The following CNBD2 variants were observed in gnomAD, a reference collection of about 807,000 sequenced individuals.
CNBD2 encodes cyclic nucleotide binding domain containing 2.
Under a neutral mutation model 63.7 loss-of-function variants are expected in CNBD2, and 64 were observed. The observed-to-expected ratio is 1.00, with a 90% CI of 0.82 to 1.24. The LOEUF is 1.24. Among genes scored for constraint, CNBD2 ranks in the 50% most tolerant of loss-of-function variants. CNBD2 has a pLI of 0.00. For missense variants in CNBD2, 691 were observed against 713.5 expected, an observed-to-expected ratio of 0.97 and a Z score of 0.36; for synonymous variants, 229 against 255.4, an observed-to-expected ratio of 0.90 and a Z score of 0.99.
intron 2 of CNBD2, among the ~76,000 whole-genome samples, chr20:35,963,276 G>A (rs903201321): frequency 2.0e-5 from 3 of 151,884 alleles, no homozygotes; most frequent in Admixed American, 6.6e-5. Flanking sequence ...GGAAGGTAGA[G>A]GCTGCAGTGA....
upstream of CNBD2, among the ~76,000 whole-genome samples, chr20:35,966,578 T>TCC (rs559646733): frequency 1.8e-3 from 276 of 152,354 alleles, 1 homozygote; most frequent in African/African-American, 6.5e-3. Flanking sequence ...ACTCCAGAGA[T>TCC]TTGAGTTCTA....
chr20:35,987,511 C>T lies in CNBD2; in HGVS notation c.833C>T (p.Pro278Leu). ...ATCTCAAAAGATTTTGGAGAGTCACCCTTCATCATGTTTATCAGCAAGGTG... is the reference window on the plus strand; with the variant it reads ...ATCTCAAAAGATTTTGGAGAGTCACTCTTCATCATGTTTATCAGCAAGGTG... The part of the protein sequence containing the change: ...QLISKDFGES[P>L]FIMFISKGSC... Residue 278 changes from proline to leucine, a missense_variant, in exon 7 of 12, where the codon CCC becomes CTC. Transcript: ENST00000373973. 2 of 1,614,030 alleles carry T rather than the reference C, an allele frequency of 1.2e-6. No homozygotes were observed. Among genetic ancestry groups the T allele is most frequent in the Non-Finnish European group, 1.7e-6 (2 of 1,179,992 alleles).
At chr20:35,956,010 C>G (rs113884946), downstream of CNBD2, among the ~76,000 whole-genome samples, 1,712 of 152,290 alleles carry the variant, frequency 0.011, 23 homozygotes, top group African/African-American at 0.038. Context: ...CGTGAGCCAC[C>G]GTGCCGGGCC....
At position 35,976,021 on chromosome 20, in the gene CNBD2, T is replaced by G; in HGVS notation, c.243+19T>G. The stretch of plus-strand genomic sequence containing the variant: ...AGAGGAGGTATGCATAGCTCGAAAC[T>G]TGCTGTGGGGGAATTTTCTTTCTGC... On this transcript the variant is annotated intron_variant, in intron 3 of 11. Coordinates refer to ENST00000373973, the MANE Select transcript of CNBD2 (RefSeq NM_001365709.1). 8 of 1,597,146 alleles carry G rather than the reference T, an allele frequency of 5.0e-6. No individual in the cohort carries two copies. Among genetic ancestry groups the G allele is most frequent in the Non-Finnish European group, 6.9e-6 (8 of 1,166,350 alleles).
chr20:35,976,039 CT>C, intron 3 of CNBD2, 37 bp downstream of exon 3: 1 of 1,566,488 alleles, frequency 6.4e-7, no homozygotes, highest in Admixed American at 1.7e-5. Context: ...GGGGAATTTT[CT>C]TTCTGCACCC....
chr20:36,001,680 C>G (rs1192656446), intron 8 of CNBD2, among the ~76,000 whole-genome samples: 1 of 139,784 alleles, frequency 7.2e-6, no homozygotes, highest in African/African-American at 2.7e-5. Flanking sequence ...ACTTCTCAGA[C>G]GGGGCGGCCG....
intron 11 of CNBD2, among the ~76,000 whole-genome samples, chr20:36,027,153 A>G (rs895087929): frequency 6.6e-6 from 1 of 152,210 alleles, no homozygotes; most frequent in African/African-American, 2.4e-5. Flanking sequence ...ATATGCCTTT[A>G]TTGTCATACT....
chr20:35,976,937 C>T (rs547833844), intron 3 of CNBD2, among the ~76,000 whole-genome samples: 1 of 152,228 alleles, frequency 6.6e-6, no homozygotes, highest in South Asian at 2.1e-4. Flanking sequence ...TTCTTGGAGC[C>T]CAGGTATGGC....
chr20:35,988,470 C>G (rs2056699691), intron 7 of CNBD2, among the ~76,000 whole-genome samples: 2 of 152,144 alleles, frequency 1.3e-5, no homozygotes, highest in South Asian at 4.1e-4. Flanking sequence ...CACACCCAAC[C>G]TTAAATTATC....
At chr20:35,964,656 A>G (rs911752824), upstream of CNBD2, among the ~76,000 whole-genome samples, 4 of 151,618 alleles carry the variant, frequency 2.6e-5, no homozygotes, top group Non-Finnish European at 5.9e-5. Flanking sequence ...CAGCCTCCCA[A>G]AGTGCTGGGA....
chr20:36,011,932 C>A (rs775646396), intron 10 of CNBD2, among the ~76,000 whole-genome samples: 15 of 151,860 alleles, frequency 9.9e-5, no homozygotes. Flanking sequence ...CTGAAGCGGG[C>A]GAATCACTTG....
intron 10 of CNBD2, among the ~76,000 whole-genome samples, chr20:36,014,437 C>A (rs997767624): frequency 6.8e-6 from 1 of 146,078 alleles, no homozygotes; most frequent in African/African-American, 2.5e-5. Flanking sequence ...TCAAGTGATT[C>A]TCCTGCCTCT....
intron 8 of CNBD2, among the ~76,000 whole-genome samples, chr20:36,005,767 G>A (rs1159891017): frequency 3.3e-5 from 5 of 151,784 alleles, no homozygotes; most frequent in South Asian, 2.1e-4. Flanking sequence ...TGGCTAACAC[G>A]GTGAAACGCT....
At chr20:35,962,085 CCTT>C (rs1409721006) in intron 2 of CNBD2, among the ~76,000 whole-genome samples, 5 of 152,128 alleles carry the variant, frequency 3.3e-5, no homozygotes, top group African/African-American at 1.2e-4. Flanking sequence ...TTGGCATTAA[CCTT>C]CTGGATCTTC....
rs11481606 is a variant in CNBD2 at position 35,975,467 on chromosome 20, A to ATT, written c.190-477_190-476dup. Among the ~76,000 whole-genome samples, 535 of 104,150 alleles carry ATT rather than the reference A, an allele frequency of 5.1e-3. 8 individuals are homozygous for ATT. Among genetic ancestry groups the ATT allele is most frequent in the African/African-American group, 0.02 (499 of 25,372 alleles). The allele number at this position is 104,150 out of a possible 152,430, so 68.3% of individuals were successfully genotyped here. The stretch of plus-strand genomic sequence containing the variant: ...AGGCGCCCGCTACCACGCCCGGCTA[A>ATT]TTTTTTGTATTTTTAGTAGAGACGG... On this transcript the variant is annotated intron_variant, in intron 2 of 11. Transcript: ENST00000373973.
chr20:35,972,504 A>G (rs1251680033), intron 1 of CNBD2, 125 bp from the exon 2 acceptor site: 1 of 870,284 alleles, frequency 1.1e-6, no homozygotes, highest in African/African-American at 1.7e-5. Flanking sequence ...CCATCACTCC[A>G]GCACACTACA....
intron 2 of CNBD2, among the ~76,000 whole-genome samples, chr20:35,961,119 C>T (rs956070155): frequency 2.6e-5 from 4 of 152,030 alleles, no homozygotes; most frequent in Non-Finnish European, 5.9e-5. Context: ...TTAGTAGAGA[C>T]AGATTTTCAC....
intron 3 of CNBD2, 134 bp from the exon 4 acceptor site, chr20:35,980,325 A>T: frequency 1.3e-6 from 1 of 742,158 alleles, no homozygotes; most frequent in Non-Finnish European, 2.2e-6. Flanking sequence ...CCTGACACAC[A>T]GTAAGCACTC....
chr20:35,968,750 C>A lies in CNBD2; in HGVS notation c.-13C>A. Reference sequence around the variant, plus strand: ...CAAAGGGGCTAGTTGTGCCATTTGCCTGCACAGGAACCATGAGGAGACATA... The same window carrying A: ...CAAAGGGGCTAGTTGTGCCATTTGCATGCACAGGAACCATGAGGAGACATA... On this transcript the variant is annotated 5_prime_UTR_variant, in exon 1 of 12. The change creates a new upstream start codon in the 5' untranslated region. Transcript: ENST00000373973. The A allele has an allele frequency of 1.2e-6, 2 of 1,605,462 alleles. No homozygotes were observed. Among genetic ancestry groups the A allele is most frequent in the South Asian group, 2.3e-5 (2 of 88,624 alleles).
Sources: gnomAD v4.1 joint callset for allele counts (sites outside exome capture counted in the v4.1 genomes callset) on GRCh38, gnomAD v4.1.1 for gene constraint, MANE v1.5 for transcripts, NCBI Gene and HGNC (gene_info 2026-07-23, HGNC 2026-07-21) for gene names.